The following ADAMTS9 variants were observed in gnomAD, a reference collection of about 807,000 sequenced individuals.
ADAMTS9 encodes the protein A disintegrin and metalloproteinase with thrombospondin motifs 9.
In ADAMTS9, 107 loss-of-function variants were observed where a neutral mutation model predicts 257.1. That is an observed-to-expected ratio of 0.42 (90% CI 0.36 to 0.49). ADAMTS9 has a LOEUF of 0.49. Among genes scored for constraint, ADAMTS9 ranks in the 20% least tolerant of loss-of-function variants. The pLI, the probability that ADAMTS9 is intolerant of heterozygous loss-of-function variation, is 0.03. For missense variants in ADAMTS9, 2,353 were observed against 2,469.1 expected (o/e 0.95, Z 1.00); for synonymous variants, 982 against 880.9 (o/e 1.11, Z -2.03).
intron 2 of ADAMTS9, 67 bp from the exon 3 acceptor site, chr3:64,681,430 A>T: frequency 6.6e-7 from 1 of 1,507,720 alleles, no homozygotes; most frequent in East Asian, 2.3e-5. Context: ...AAAAACCAAA[A>T]GAACATTTTC....
intron 19 of ADAMTS9, 108 bp downstream of exon 19, chr3:64,621,006 G>A (rs912466156): frequency 2.1e-5 from 29 of 1,362,062 alleles, no homozygotes; most frequent in Non-Finnish European, 2.2e-5. Context: ...TGAAACACAA[G>A]AAAGGGGAAC....
rs1701909391 is a variant in ADAMTS9 at position 64,686,426 on chromosome 3, T to C, written c.516+142A>G. ...CGCACAGAGCTAGCTACCCAAACCA[T>C]ACGAGTTTCTAGCTGATATTTAACG... On this transcript the variant is annotated intron_variant, in intron 2 of 39. Transcript: ENST00000498707. This position sits in a 1 kb window ranked among gnomAD's most constrained non-coding sequence, Gnocchi z 4.6. 1 of 1,216,156 alleles carries C rather than the reference T, an allele frequency of 8.2e-7. No individual in the cohort carries two copies. Among genetic ancestry groups the C allele is most frequent in the South Asian group, 1.6e-5 (1 of 62,706 alleles). The allele number at this position is 1,216,156 out of a possible 1,614,324, so 75.3% of individuals were successfully genotyped here. A position where few individuals can be genotyped will look rare whatever the true frequency, so the allele number is the denominator to read the frequency against.
intron 11 of ADAMTS9, among the ~76,000 whole-genome samples, chr3:64,643,658 T>C (rs1038231082): frequency 4.0e-5 from 6 of 151,694 alleles, no homozygotes; most frequent in African/African-American, 1.2e-4. Flanking sequence ...GGGGTGGGGG[T>C]CTTAGTATGT....
At chr3:64,633,674 A>G in intron 13 of ADAMTS9, 24 bp downstream of exon 13, 1 of 1,613,800 alleles carries the variant, frequency 6.2e-7, no homozygotes, top group Non-Finnish European at 8.5e-7. Context: ...GCCAACGGTG[A>G]ACAGATACAC....
chr3:64,679,114 C>T (rs1701693838), intron 3 of ADAMTS9, among the ~76,000 whole-genome samples: 1 of 152,056 alleles, frequency 6.6e-6, no homozygotes, highest in African/African-American at 2.4e-5. Flanking sequence ...TGTCTTCGAG[C>T]CTGACATTTT....
intron 28 of ADAMTS9, among the ~76,000 whole-genome samples, chr3:64,575,478 C>T (rs2083816830): frequency 6.6e-6 from 1 of 152,140 alleles, no homozygotes; most frequent in Non-Finnish European, 1.5e-5. Context: ...TCTTTCTCAC[C>T]CCTAAGCAAG....
In ADAMTS9 at chr3:64,604,216, C is replaced by A; in HGVS notation, c.3579+11G>T. On this transcript the variant is annotated intron_variant, in intron 24 of 39. Transcript: ENST00000498707. ...TCCTGCCCTCCCCATTTCTCCCAGT[C>A]TATTTCTTACTGGGGTCCAAGACCC... 1 of 1,608,632 alleles carries A rather than the reference C, an allele frequency of 6.2e-7. No homozygotes were observed. Among genetic ancestry groups the A allele is most frequent in the South Asian group, 1.1e-5 (1 of 90,372 alleles).
At chr3:64,630,295 G>A (rs1302621184) in intron 16 of ADAMTS9, among the ~76,000 whole-genome samples, 1 of 152,212 alleles carries the variant, frequency 6.6e-6, no homozygotes, top group Non-Finnish European at 1.5e-5. Context: ...TGGGCATGGT[G>A]GCTCATGCCT....
intron 13 of ADAMTS9, 32 bp from the exon 14 acceptor site, chr3:64,633,640 T>G (rs1186729043): frequency 1.2e-6 from 2 of 1,614,030 alleles, no homozygotes; most frequent in South Asian, 2.2e-5. Context: ...ACTTGACTTT[T>G]GTGCCTGGCC....
chr3:64,534,390 T>A (rs566345292), intron 37 of ADAMTS9, among the ~76,000 whole-genome samples: 1 of 152,324 alleles, frequency 6.6e-6, no homozygotes, highest in South Asian at 2.1e-4. Flanking sequence ...AAAAAGATGG[T>A]ATCTGTCTTA....
intron 31 of ADAMTS9, among the ~76,000 whole-genome samples, chr3:64,548,036 A>G (rs2083225385): frequency 6.6e-6 from 1 of 152,182 alleles, no homozygotes; most frequent in Admixed American, 6.5e-5. Context: ...AGGGTGGGAT[A>G]AATACCCCAA....
chr3:64,542,433 T>TCTTTTG (rs1553701121), intron 32 of ADAMTS9, among the ~76,000 whole-genome samples: 1 of 142,256 alleles, frequency 7.0e-6, no homozygotes, highest in Non-Finnish European at 1.6e-5. Flanking sequence ...TTTCTTTCTT[T>TCTTTTG]TTTTTTTTTT....
intron 31 of ADAMTS9, among the ~76,000 whole-genome samples, chr3:64,547,738 C>T (rs950280170): frequency 3.3e-5 from 5 of 152,076 alleles, no homozygotes; most frequent in African/African-American, 1.2e-4. Context: ...CTCTATATCA[C>T]GCCCTCATCT....
intron 36 of ADAMTS9, among the ~76,000 whole-genome samples, chr3:64,540,367 G>C (rs970389543): frequency 6.6e-6 from 1 of 152,202 alleles, no homozygotes; most frequent in East Asian, 1.9e-4. Flanking sequence ...GGAACATGTT[G>C]AGGTATTTTA....
At chr3:64,601,218 G>C (rs1007409245) in intron 26 of ADAMTS9, among the ~76,000 whole-genome samples, 8 of 152,240 alleles carry the variant, frequency 5.3e-5, no homozygotes, top group Admixed American at 1.3e-4. Flanking sequence ...TGTGGCAGGC[G>C]GGGCGCAAAG....
At chr3:64,654,258 T>C in intron 8 of ADAMTS9, 95 bp downstream of exon 8, 2 of 1,248,082 alleles carry the variant, frequency 1.6e-6, no homozygotes, top group Non-Finnish European at 2.3e-6. Context: ...GGAAGTCTCT[T>C]ACACACTCGA....
rs182252105 is a variant in ADAMTS9, at chr3:64,604,291, G to A, written c.3515C>T (p.Pro1172Leu). 3.3e-5 allele frequency: 54 copies of A among 1,612,914 alleles called. No individual in the cohort carries two copies. The highest frequency in any genetic ancestry group is 2.3e-4 in the Admixed American group (14 of 59,870). ...LPSCHPPPAAPETRRSTYSAP... is the reference protein window; with the variant it reads ...LPSCHPPPAALETRRSTYSAP... The stretch of plus-strand genomic sequence containing the variant: ...ACTGTATGTGCTTCTCCTCGTTTCC[G>A]GGGCAGCTGGGGGAGGATGACATGA... Residue 1172 changes from proline to leucine, a missense_variant, in exon 24 of 40, where the codon CCG becomes CTG. Around this residue, in one of 3 missense-constraint regions of ADAMTS9, gnomAD observed 1,402 missense variants for 1,441.4 expected, o/e 0.97. Coordinates refer to ENST00000498707, the MANE Select transcript of ADAMTS9 (RefSeq NM_182920.2).
At chr3:64,525,241 G>A (rs1575976874) in intron 38 of ADAMTS9, among the ~76,000 whole-genome samples, 2 of 152,146 alleles carry the variant, frequency 1.3e-5, no homozygotes, top group South Asian at 4.1e-4. Flanking sequence ...TCTTTTGGAA[G>A]TGTAGTTAAG....
intron 30 of ADAMTS9, among the ~76,000 whole-genome samples, chr3:64,560,934 C>G (rs2083410092): frequency 6.6e-6 from 1 of 152,138 alleles, no homozygotes; most frequent in Admixed American, 6.5e-5. Context: ...CCTATAAAAC[C>G]TCCCTGGCCA....
Sources: gnomAD v4.1 joint callset for allele counts (sites outside exome capture counted in the v4.1 genomes callset) on GRCh38, gnomAD v4.1.1 for gene constraint, gnomAD v4.1.1 regional missense constraint, Gnocchi (gnomAD v3.1) non-coding constraint, MANE v1.5 for transcripts, NCBI Gene and HGNC (gene_info 2026-07-23, HGNC 2026-07-21) for gene names.